Variants in ATAD1 observed in about 807,000 individuals in gnomAD.
The protein encoded by ATAD1 is ATPase family AAA domain containing 1, also known as outer mitochondrial transmembrane helix translocase.
ATAD1 carries 18 observed loss-of-function variants against 42.7 expected under a neutral mutation model. The observed-to-expected ratio is 0.42, with a 90% CI of 0.29 to 0.63. ATAD1 has a LOEUF of 0.63. ATAD1 is among the 20% of genes least tolerant of loss of function. The pLI is 0.19. For missense variants in ATAD1, 294 were observed against 440.4 expected (o/e 0.67, Z 2.98); for synonymous variants, 132 against 143.1 (o/e 0.92, Z 0.55).
intron 8 of ATAD1, 34 bp from the exon 9 acceptor site, chr10:87,756,956 AAAAT>A: frequency 2.6e-6 from 4 of 1,547,398 alleles, no homozygotes; most frequent in Non-Finnish European, 3.5e-6. Flanking sequence ...TTAAAAAACA[AAAAT>A]AAATATATTG....
chr10:87,837,483 C>T (rs990447441), intron 1 of ATAD1, among the ~76,000 whole-genome samples: 1 of 152,176 alleles, frequency 6.6e-6, no homozygotes, highest in Non-Finnish European at 1.5e-5. Flanking sequence ...TCCTTTAGTT[C>T]AGTCTCAAAG....
At chr10:87,833,850 G>A (rs1196731308) in intron 1 of ATAD1, among the ~76,000 whole-genome samples, 1 of 148,622 alleles carries the variant, frequency 6.7e-6, no homozygotes, top group Non-Finnish European at 1.5e-5. Context: ...TCATCCTTCT[G>A]AGTAGCTGGG....
intron 1 of ATAD1, chr10:87,817,813 CTTCGTCTAGGTTCGCCTGGT>C: frequency 1.0e-6 from 1 of 985,474 alleles, no homozygotes; most frequent in South Asian, 4.7e-5. Flanking sequence ...TTCCAGCCGC[CTTCGTCTAGGTTCGCCTGGT>C]TCTGAAGTCT....
chr10:87,752,781 G>C lies in ATAD1; in HGVS notation c.*1906C>G, dbSNP rs1239397263. The C allele has an allele frequency of 6.6e-6, 1 of 152,088 alleles. No homozygotes were observed. Among genetic ancestry groups the C allele is most frequent in the Non-Finnish European group, 1.5e-5 (1 of 68,004 alleles). 9.4% of individuals were successfully genotyped at this position (152,088 alleles called of 1,614,324 possible). ...TGCCTAGATGAGTCATAGTTGCTGG[G>C]ATTAGTATACTTCTCTAACTTCATT... On this transcript the variant is annotated 3_prime_UTR_variant, in exon 10 of 10. Coordinates refer to ENST00000680024, the MANE Select transcript of ATAD1 (RefSeq NM_001321967.2).
rs1854576238 is a variant in ATAD1 at position 87,763,154 on chromosome 10, C to G, written c.831+4519G>C. ...CTTATCTAGGACCAAAGTTCCTTAC[C>G]TAAAAAACATGGAGAATTTTAGGAA... On this transcript the variant is annotated intron_variant, in intron 8 of 9. Transcript: ENST00000680024. 2.0e-5 allele frequency among the ~76,000 whole-genome samples: 3 copies of G among 148,774 alleles called. No homozygotes were observed. In the South Asian group the frequency reaches 6.4e-4, roughly 32 times the overall value.
intron 2 of ATAD1, among the ~76,000 whole-genome samples, chr10:87,809,641 T>TTTTATTTATTTA (rs144658707): frequency 1.2e-4 from 18 of 150,354 alleles, no homozygotes; most frequent in African/African-American, 3.2e-4. Context: ...TATTTATTAA[T>TTTTATTTATTTA]TTTATTTATT....
At chr10:87,782,286 C>T (rs1855603058) in intron 5 of ATAD1, among the ~76,000 whole-genome samples, 1 of 152,196 alleles carries the variant, frequency 6.6e-6, no homozygotes, top group Admixed American at 6.5e-5. Context: ...AGAATTAACA[C>T]ATGTTCACAC....
chr10:87,816,894 G>A (rs1340683027), intron 1 of ATAD1, among the ~76,000 whole-genome samples: 3 of 152,122 alleles, frequency 2.0e-5, no homozygotes, highest in Non-Finnish European at 2.9e-5. Flanking sequence ...AGTTGGTAGT[G>A]ATAAAACTAC....
intron 1 of ATAD1, among the ~76,000 whole-genome samples, chr10:87,827,472 AT>A (rs1462570011): frequency 6.6e-6 from 1 of 152,074 alleles, no homozygotes; most frequent in African/African-American, 2.4e-5. Flanking sequence ...TGTCAGTGCC[AT>A]TTTTCCAACA....
rs190412848 is a variant in ATAD1, at chr10:87,818,064, G to A, written c.-14+103C>T. ...AGGTAGGGCGTGGGAGAAGACCGGG[G>A]TGACCTTTCCTCCGGGGGTTCCCAG... is the stretch of plus-strand genomic sequence containing the variant. On this transcript the variant is annotated intron_variant, in intron 1 of 9. Coordinates refer to ENST00000680024, the MANE Select transcript of ATAD1 (RefSeq NM_001321967.2). 6.1e-6 allele frequency: 6 copies of A among 985,732 alleles called. No homozygotes were observed. In the East Asian group the frequency reaches 6.8e-4, roughly 112 times the overall value. 61.1% of individuals were successfully genotyped at this position (985,732 alleles called of 1,614,324 possible).
intron 8 of ATAD1, chr10:87,759,782 C>T: frequency 2.2e-6 from 1 of 455,762 alleles, no homozygotes; most frequent in African/African-American, 2.0e-5. Flanking sequence ...GTTTCAGTTT[C>T]CTCAGCTGTA....
intron 1 of ATAD1, among the ~76,000 whole-genome samples, chr10:87,837,988 G>C (rs755466889): frequency 2.1e-4 from 32 of 152,170 alleles, no homozygotes; most frequent in Admixed American, 9.2e-4. Context: ...CCTGCTCCTT[G>C]AGCCAGAACT....
intron 8 of ATAD1, among the ~76,000 whole-genome samples, chr10:87,757,582 C>T (rs1007582988): frequency 2.0e-5 from 3 of 152,100 alleles, no homozygotes; most frequent in Non-Finnish European, 4.4e-5. Context: ...TTCTCAGAAA[C>T]TATCAATTTC....
At chr10:87,838,268 C>T (rs961384295) in intron 1 of ATAD1, among the ~76,000 whole-genome samples, 1 of 151,896 alleles carries the variant, frequency 6.6e-6, no homozygotes, top group Non-Finnish European at 1.5e-5. Flanking sequence ...GGCTCACGCC[C>T]TTAATCCCAA....
chr10:87,820,451 T>C (rs1857611449), upstream of ATAD1, among the ~76,000 whole-genome samples: 1 of 152,156 alleles, frequency 6.6e-6, no homozygotes, highest in Non-Finnish European at 1.5e-5. Context: ...CTAAAAGGTT[T>C]GCTGGGATAT....
chr10:87,792,742 A>C lies in ATAD1; in HGVS notation c.176T>G (p.Met59Arg). The C allele has an allele frequency of 6.2e-7, 1 of 1,613,834 alleles. No individual in the cohort carries two copies. Among genetic ancestry groups the C allele is most frequent in the Non-Finnish European group, 8.5e-7 (1 of 1,179,850 alleles). Reference protein sequence around the residue: ...VEAQKQAEKLMKQIGVKNVKL... With the variant: ...VEAQKQAEKLRKQIGVKNVKL... ...CACATTTTTCACTCCAATTTGCTTC[A>C]TTAGTTTTTCTGCCTAGAATGAAAA... is the stretch of plus-strand genomic sequence containing the variant. Residue 59 changes from methionine (M) to arginine (R), a missense_variant, in exon 3 of 10, where the codon ATG (methionine) becomes AGG (arginine). Physicochemically the swap from Met to Arg is moderately conservative, Grantham distance 91. This residue lies in a region of ATAD1 where 121 missense variants were observed against 187.3 expected (regional missense o/e 0.65). Transcript: ENST00000680024.
upstream of ATAD1, among the ~76,000 whole-genome samples, chr10:87,821,185 A>G (rs1164976583): frequency 2.6e-5 from 4 of 152,078 alleles, no homozygotes; most frequent in African/African-American, 9.7e-5. Context: ...TTGCTCTGCA[A>G]TCAAGGTTAA....
intron 8 of ATAD1, among the ~76,000 whole-genome samples, chr10:87,761,894 A>C (rs1440266019): frequency 6.6e-6 from 1 of 151,832 alleles, no homozygotes; most frequent in Non-Finnish European, 1.5e-5. Context: ...CCGAGTAACT[A>C]GGCAGACCCA....
chr10:87,836,766 A>G (rs1857937251), intron 1 of ATAD1, among the ~76,000 whole-genome samples: 1 of 152,174 alleles, frequency 6.6e-6, no homozygotes, highest in African/African-American at 2.4e-5. Flanking sequence ...ATTTGGTACT[A>G]CGTTGTATTC....
Sources: gnomAD v4.1 joint callset for allele counts (sites outside exome capture counted in the v4.1 genomes callset) on GRCh38, gnomAD v4.1.1 for gene constraint, gnomAD v4.1.1 regional missense constraint, MANE v1.5 for transcripts, NCBI Gene and HGNC (gene_info 2026-07-23, HGNC 2026-07-21) for gene names.